The following TMX4 variants were observed in gnomAD, a reference collection of about 807,000 sequenced individuals.
The protein encoded by TMX4 is thioredoxin-related transmembrane protein 4.
TMX4 carries 23 observed loss-of-function variants against 33.3 expected under a neutral mutation model. The observed-to-expected ratio is 0.69, with a 90% CI of 0.50 to 0.98. The LOEUF (loss-of-function observed/expected upper bound fraction) is 0.98, where lower values mean the gene tolerates loss of function less well. Ranked by LOEUF, TMX4 falls within the 50% of genes least tolerant of loss-of-function variation. The probability of loss-of-function intolerance (pLI) is 0.00; values close to 1 mark genes in which losing one functional copy is unlikely to be tolerated. For synonymous variants in TMX4, 164 were observed against 161.5 expected, an observed-to-expected ratio of 1.02 and a Z score of -0.12; for missense variants, 399 against 448.9, an observed-to-expected ratio of 0.89 and a Z score of 1.01.
In TMX4 at chr20:8,019,494, C is replaced by T. The variant is rs1010758435; in HGVS notation, c.120G>A (p.Gln40=). The part of the protein sequence containing the change: ...AALPPEQSRV[Q]PMTASNWTLV... ...GCGTCCAGTTGGAGGCGGTCATGGGCTGGACCCGGCTCTGCTCCGGCGGCA... is the reference window on the plus strand; with the variant it reads ...GCGTCCAGTTGGAGGCGGTCATGGGTTGGACCCGGCTCTGCTCCGGCGGCA... Residue 40 remains glutamine, a synonymous_variant, in exon 1 of 8, where the codon CAG becomes CAA. Coordinates refer to ENST00000246024, the MANE Select transcript of TMX4 (RefSeq NM_021156.4). The T allele has an allele frequency of 1.3e-6, 2 of 1,511,302 alleles. No individual in the cohort carries two copies. The allele number at this position is 1,511,302 out of a possible 1,614,324, so 93.6% of individuals were successfully genotyped here. A position where few individuals can be genotyped will look rare whatever the true frequency, so the allele number is the denominator to read the frequency against.
intron 1 of TMX4, among the ~76,000 whole-genome samples, chr20:8,018,524 G>GCAATCATTTTC (rs767056731): frequency 2.2e-5 from 1 of 45,336 alleles, no homozygotes; most frequent in Non-Finnish European, 3.3e-5. Flanking sequence ...GAGAGAGAGA[G>GCAATCATTTTC]AGAGTCTGCA....
Position 7,977,382 on chromosome 20 carries a change from A to T in TMX4, c.*4869T>A, listed in dbSNP as rs550596213. 2 of 152,368 alleles carry T rather than the reference A, an allele frequency of 1.3e-5. No homozygotes were observed. Among genetic ancestry groups the T allele is most frequent in the South Asian group, 4.1e-4 (2 of 4,834 alleles). 9.4% of individuals were successfully genotyped at this position (152,368 alleles called of 1,614,324 possible). ...CACGAAGGAAAATTTTTTTTAACAAATTAATATTTTTTGCTGCCTAGGCAA... is the reference window on the plus strand; with the variant it reads ...CACGAAGGAAAATTTTTTTTAACAATTTAATATTTTTTGCTGCCTAGGCAA... On this transcript the variant is annotated 3_prime_UTR_variant, in exon 8 of 8. Transcript: ENST00000246024.
chr20:7,982,393 C>T lies in TMX4; in HGVS notation c.908G>A (p.Gly303Glu). The T allele has an allele frequency of 6.2e-7, 1 of 1,614,036 alleles. No individual in the cohort carries two copies. Among genetic ancestry groups the T allele is most frequent in the South Asian group, 1.1e-5 (1 of 91,072 alleles). ...RSEANDQGPPGEDGVTREEVE... is the reference protein window; with the variant it reads ...RSEANDQGPPEEDGVTREEVE... ...TTCCTCCCGGGTCACACCGTCCTCTCCTGGGGGCCCCTGATCATTGGCCTC... is the reference window on the plus strand; with the variant it reads ...TTCCTCCCGGGTCACACCGTCCTCTTCTGGGGGCCCCTGATCATTGGCCTC... Residue 303 changes from glycine to glutamate, a missense_variant, in exon 8 of 8, where the codon GGA becomes GAA. By Grantham distance (98) the Gly-to-Glu change is moderately conservative. Transcript: ENST00000246024.
intron 2 of TMX4, among the ~76,000 whole-genome samples, chr20:8,006,436 G>C (rs1213863978): frequency 6.6e-6 from 1 of 152,058 alleles, no homozygotes; most frequent in Non-Finnish European, 1.5e-5. Flanking sequence ...CACTTCTGTG[G>C]CAAGGCAAGA....
At chr20:8,015,985 T>G (rs765555515) in intron 1 of TMX4, among the ~76,000 whole-genome samples, 1 of 152,180 alleles carries the variant, frequency 6.6e-6, no homozygotes, top group Non-Finnish European at 1.5e-5. Context: ...CTATTTCTTC[T>G]GGGGGAAAAA....
intron 4 of TMX4, among the ~76,000 whole-genome samples, chr20:7,998,385 C>G (rs1167501213): frequency 2.0e-5 from 3 of 152,058 alleles, no homozygotes; most frequent in African/African-American, 7.3e-5. Flanking sequence ...CTTGGCCAAG[C>G]CTACCTTCAT....
rs768515452 is a variant in TMX4, at chr20:7,983,830, A to G, written c.643T>C (p.Tyr215His). 6.2e-7 allele frequency: 1 copy of G among 1,613,690 alleles called. No homozygotes were observed. Among genetic ancestry groups the G allele is most frequent in the African/African-American group, 1.3e-5 (1 of 74,916 alleles). ...GATAAATGCCTTGGAAGTGGCACATAGAAACATTCTGATATTACCACCAAG... is the reference window on the plus strand; with the variant it reads ...GATAAATGCCTTGGAAGTGGCACATGGAAACATTCTGATATTACCACCAAG... The part of the protein sequence containing the change: ...LVLVVISECF[Y>H]VPLPRHLSER... Residue 215 changes from tyrosine to histidine, a missense_variant, in exon 7 of 8, where the codon TAT becomes CAT. Physicochemically the swap from Tyr to His is moderately conservative, Grantham distance 83. Coordinates refer to ENST00000246024, the MANE Select transcript of TMX4 (RefSeq NM_021156.4).
At chr20:8,003,987 G>A (rs2050717406) in intron 2 of TMX4, among the ~76,000 whole-genome samples, 1 of 152,060 alleles carries the variant, frequency 6.6e-6, no homozygotes, top group Non-Finnish European at 1.5e-5. Flanking sequence ...TCAGTTTGCT[G>A]TCTGGAATAA....
At chr20:7,997,889 T>C (rs1247287183) in intron 4 of TMX4, among the ~76,000 whole-genome samples, 1 of 152,218 alleles carries the variant, frequency 6.6e-6, no homozygotes, top group African/African-American at 2.4e-5. Flanking sequence ...TGGGGGCGGA[T>C]TCTCATGAAT....
intron 4 of TMX4, among the ~76,000 whole-genome samples, chr20:7,998,883 G>T (rs2050689177): frequency 6.6e-6 from 1 of 152,124 alleles, no homozygotes; most frequent in East Asian, 1.9e-4. Flanking sequence ...AAAATATGTT[G>T]TTGTGTTTTT....
At chr20:7,997,709 T>G (rs766749837) in intron 4 of TMX4, among the ~76,000 whole-genome samples, 4 of 152,256 alleles carry the variant, frequency 2.6e-5, no homozygotes, top group Admixed American at 6.5e-5. Flanking sequence ...TTTGTTCAAG[T>G]GTGCTCTCAT....
chr20:8,002,978 C>A (rs568568591), intron 2 of TMX4, among the ~76,000 whole-genome samples: 3 of 152,090 alleles, frequency 2.0e-5, no homozygotes, highest in Non-Finnish European at 4.4e-5. Flanking sequence ...AACATAAACA[C>A]GAGTGACCCA....
intron 2 of TMX4, among the ~76,000 whole-genome samples, chr20:8,003,340 A>G (rs1309332508): frequency 6.6e-6 from 1 of 152,100 alleles, no homozygotes; most frequent in African/African-American, 2.4e-5. Flanking sequence ...ATCACCTCTT[A>G]AAGTTTTTTA....
At chr20:7,988,522 AG>A (rs1164113083) in intron 5 of TMX4, among the ~76,000 whole-genome samples, 1 of 152,262 alleles carries the variant, frequency 6.6e-6, no homozygotes, top group Non-Finnish European at 1.5e-5. Context: ...CAGAAGAGAT[AG>A]AGCTAAAGAC....
intron 5 of TMX4, among the ~76,000 whole-genome samples, chr20:7,995,568 CA>C (rs2050672719): frequency 1.3e-5 from 2 of 152,094 alleles, no homozygotes; most frequent in African/African-American, 4.8e-5. Context: ...AGCATGAAAG[CA>C]GTCATAGACA....
chr20:8,008,786 C>T (rs992686990), intron 2 of TMX4, among the ~76,000 whole-genome samples: 8 of 152,110 alleles, frequency 5.3e-5, no homozygotes, highest in Admixed American at 2.0e-4. Context: ...ATGATTTAGC[C>T]TCCAAACAGA....
chr20:7,989,747 C>G (rs1311499017), intron 5 of TMX4, among the ~76,000 whole-genome samples: 1 of 152,166 alleles, frequency 6.6e-6, no homozygotes, highest in African/African-American at 2.4e-5. Flanking sequence ...GTACCATGTC[C>G]TTGAAGTTTT....
At chr20:8,007,835 G>A (rs562481721) in intron 2 of TMX4, among the ~76,000 whole-genome samples, 56 of 152,270 alleles carry the variant, frequency 3.7e-4, no homozygotes, top group African/African-American at 1.3e-3. Flanking sequence ...TAACTTAAGA[G>A]GTAGCTCCAA....
chr20:8,019,485 G>C lies in TMX4; in HGVS notation c.129C>G (p.Thr43=). 3.3e-6 allele frequency: 5 copies of C among 1,514,874 alleles called. No individual in the cohort carries two copies. The highest frequency in any genetic ancestry group is 4.4e-6 in the Non-Finnish European group (5 of 1,131,038). 93.8% of individuals were successfully genotyped at this position (1,514,874 alleles called of 1,614,324 possible). Residue 43 remains threonine, a synonymous_variant, in exon 1 of 8, where the codon ACC becomes ACG. Transcript: ENST00000246024. The part of the protein sequence containing the change: ...PPEQSRVQPM[T]ASNWTLVMEG... ...CCATCACCAGCGTCCAGTTGGAGGC[G>C]GTCATGGGCTGGACCCGGCTCTGCT...
Sources: allele counts gnomAD v4.1 joint callset (sites outside exome capture counted in the v4.1 genomes callset), GRCh38; gene constraint gnomAD v4.1.1; transcripts MANE v1.5; gene names NCBI Gene and HGNC (gene_info 2026-07-23, HGNC 2026-07-21).